The following MYB variants were observed in gnomAD, a reference collection of about 807,000 sequenced individuals.
MYB encodes the protein MYB proto-oncogene, transcription factor.
A neutral mutation model predicts 92.9 loss-of-function variants in MYB; 28 were observed. That is an observed-to-expected ratio of 0.30 (90% CI 0.22 to 0.41). The LOEUF (loss-of-function observed/expected upper bound fraction) is 0.41. Among genes scored for constraint, MYB ranks in the 10% least tolerant of loss-of-function variants. The pLI is 1.00. For synonymous variants in MYB, 295 were observed against 329.1 expected, an observed-to-expected ratio of 0.90 and a Z score of 1.12; for missense variants, 679 against 929.3, an observed-to-expected ratio of 0.73 and a Z score of 3.50.
intron 14 of MYB, chr6:135,202,739 C>G (rs56309265): frequency 9.4e-6 from 3 of 320,436 alleles, no homozygotes; most frequent in East Asian, 8.4e-5. Flanking sequence ...GTCATTTGCT[C>G]AAGATTGTAT....
intron 15 of MYB, among the ~76,000 whole-genome samples, chr6:135,206,752 T>G (rs1389030392): frequency 2.0e-5 from 3 of 152,114 alleles, no homozygotes; most frequent in Non-Finnish European, 2.9e-5. Context: ...TTTTAAGAAA[T>G]ACTTAGTGAA....
chr6:135,202,089 T>A, intron 14 of MYB, among the ~76,000 whole-genome samples: 2 of 152,328 alleles, frequency 1.3e-5, no homozygotes, highest in Middle Eastern at 3.4e-3. Context: ...TCTTGTTAAG[T>A]TGTCTCTTGT....
At chr6:135,197,362 A>G (rs1388438945) in intron 10 of MYB, 39 bp downstream of exon 10, 4 of 1,473,318 alleles carry the variant, frequency 2.7e-6, no homozygotes, top group Non-Finnish European at 3.7e-6. Context: ...CTCATTTTCA[A>G]CAGACACCTG....
intron 7 of MYB, 135 bp downstream of exon 7, chr6:135,194,053 G>A: frequency 2.9e-6 from 2 of 693,272 alleles, no homozygotes; most frequent in South Asian, 1.8e-5. Context: ...CAGAGTCTTG[G>A]CCAGCAATCT....
At chr6:135,195,155 C>G in intron 8 of MYB, 1 of 1,117,138 alleles carries the variant, frequency 9.0e-7, no homozygotes, top group Non-Finnish European at 1.2e-6. Flanking sequence ...AGTTCGACCA[C>G]TTTTTAACTT....
chr6:135,188,514 G>GT lies in MYB; in HGVS notation c.213+615dup, dbSNP rs1233064841. ...TTTCTTTTTTTTTTTTTTGTTTTTTGTTTTTTGTTTTTTGAGATGGAATCT... is the reference window on the plus strand; with the variant it reads ...TTTCTTTTTTTTTTTTTTGTTTTTTGTTTTTTTGTTTTTTGAGATGGAATCT... On this transcript the variant is annotated intron_variant, in intron 3 of 15. Transcript: ENST00000341911. 2.9e-3 allele frequency among the ~76,000 whole-genome samples: 352 copies of GT among 120,938 alleles called. 6 individuals are homozygous for GT. The highest frequency in any genetic ancestry group is 3.0e-3 in the Admixed American group (35 of 11,794). The allele number at this position is 120,938 out of a possible 152,430, so 79.3% of individuals were successfully genotyped here. A position where few individuals can be genotyped will look rare whatever the true frequency, so the allele number is the denominator to read the frequency against.
At chr6:135,210,493 C>T (rs1169827571) in intron 15 of MYB, among the ~76,000 whole-genome samples, 2 of 152,240 alleles carry the variant, frequency 1.3e-5, no homozygotes, top group Non-Finnish European at 2.9e-5. Context: ...ATACTCCCCT[C>T]AGCTTTCGGT....
intron 1 of MYB, among the ~76,000 whole-genome samples, chr6:135,183,930 A>G (rs1246676314): frequency 3.3e-5 from 5 of 152,200 alleles, no homozygotes; most frequent in Non-Finnish European, 5.9e-5. Flanking sequence ...AGAGAGAGGA[A>G]GTGATTTGTC....
chr6:135,218,347 G>T lies in MYB; in HGVS notation c.*367G>T. 1 of 259,624 alleles carries T rather than the reference G, an allele frequency of 3.9e-6. No individual in the cohort carries two copies. Among genetic ancestry groups the T allele is most frequent in the Non-Finnish European group, 7.4e-6 (1 of 134,914 alleles). 16.1% of individuals were successfully genotyped at this position (259,624 alleles called of 1,614,324 possible). A position where few individuals can be genotyped will look rare whatever the true frequency, so the allele number is the denominator to read the frequency against. On this transcript the variant is annotated 3_prime_UTR_variant, in exon 16 of 16. Transcript: ENST00000341911. ...TTTTTGAAATTTGACACATTAAAAG[G>T]TACTCCAGTATTTCACTTTTCTCGA...
intron 8 of MYB, 199 bp from the exon 9 acceptor site, chr6:135,195,549 C>T (rs1777183471): frequency 6.6e-6 from 4 of 604,708 alleles, no homozygotes. Context: ...GGTACAACCT[C>T]TAGCACTATT....
chr6:135,195,808 A>G lies in MYB; in HGVS notation c.1009A>G (p.Arg337Gly), dbSNP rs772410551. Residue 337 changes from arginine (R) to glycine (G), a missense_variant, in exon 9 of 16, where the codon AGA becomes GGA. By Grantham distance (125) the Arg-to-Gly change is moderately radical (BLOSUM62 -2). Coordinates refer to ENST00000341911, the MANE Select transcript of MYB (RefSeq NM_001130173.2). ...WHSTTIADHT[R>G]PHGDSAPVSC... ...CAGCACCACCATTGCCGACCACACCAGACCTCATGGAGACAGTGCACCTGT... is the reference window on the plus strand; with the variant it reads ...CAGCACCACCATTGCCGACCACACCGGACCTCATGGAGACAGTGCACCTGT... 5.6e-6 allele frequency: 9 copies of G among 1,614,038 alleles called. No individual in the cohort carries two copies. The African/African-American group carries it at 1.1e-4, about 19-fold the overall frequency.
intron 15 of MYB, among the ~76,000 whole-genome samples, chr6:135,204,259 G>A (rs1486747568): frequency 6.6e-6 from 1 of 152,164 alleles, no homozygotes; most frequent in African/African-American, 2.4e-5. Context: ...AACTTGCCCG[G>A]TAAGTATTTG....
intron 9 of MYB, 122 bp from the exon 10 acceptor site, chr6:135,196,839 C>T: frequency 6.3e-7 from 1 of 1,586,802 alleles, no homozygotes; most frequent in Non-Finnish European, 8.5e-7. Flanking sequence ...GAAGCTGTTG[C>T]TCAAGAAGCC....
Position 135,193,906 on chromosome 6 carries a change from C to T in MYB, c.831C>T (p.Ala277=), listed in dbSNP as rs748246856. The part of the protein sequence containing the change: ...VNIVNVPQPA[A]AAIQRHYNDE... ...TAGTCAATGTCCCTCAGCCAGCTGCCGCAGCCATTCAGGTAAGATCATTGA... is the reference window on the plus strand; with the variant it reads ...TAGTCAATGTCCCTCAGCCAGCTGCTGCAGCCATTCAGGTAAGATCATTGA... The change falls in exon 7 of 16, where the codon GCC becomes GCT. Residue 277 remains alanine, a synonymous_variant. Coordinates refer to ENST00000341911, the MANE Select transcript of MYB (RefSeq NM_001130173.2). The T allele has an allele frequency of 1.3e-5, 21 of 1,607,914 alleles. No homozygotes were observed. Among genetic ancestry groups the T allele is most frequent in the South Asian group, 7.7e-5 (7 of 90,956 alleles).
intron 2 of MYB, among the ~76,000 whole-genome samples, chr6:135,186,389 A>C (rs2128284611): frequency 6.6e-6 from 1 of 152,318 alleles, no homozygotes; most frequent in South Asian, 2.1e-4. Context: ...CTGTGATCCC[A>C]TGCATGGGTG....
chr6:135,195,247 C>A, intron 8 of MYB: 1 of 428,310 alleles, frequency 2.3e-6, no homozygotes, highest in Non-Finnish European at 3.8e-6. Flanking sequence ...GCTTTCCTAA[C>A]CACGTTGATT....
chr6:135,210,762 G>A, intron 15 of MYB, among the ~76,000 whole-genome samples: 1 of 152,196 alleles, frequency 6.6e-6, no homozygotes, highest in Non-Finnish European at 1.5e-5. Flanking sequence ...ACAGGTTACT[G>A]TGAAGATCAA....
At chr6:135,212,572 C>T (rs1562399099) in intron 15 of MYB, among the ~76,000 whole-genome samples, 1 of 152,116 alleles carries the variant, frequency 6.6e-6, no homozygotes, top group Admixed American at 6.5e-5. Flanking sequence ...TTATAGTTCA[C>T]TTCTGCCCAG....
At chr6:135,215,915 A>G (rs1049005508) in intron 15 of MYB, among the ~76,000 whole-genome samples, 18 of 152,170 alleles carry the variant, frequency 1.2e-4, no homozygotes, top group Non-Finnish European at 5.9e-5. Flanking sequence ...TGTCTCATAA[A>G]GGACACTGTA....
Sources: allele counts gnomAD v4.1 joint callset (sites outside exome capture counted in the v4.1 genomes callset), GRCh38; gene constraint gnomAD v4.1.1; transcripts MANE v1.5; gene names NCBI Gene and HGNC (gene_info 2026-07-23, HGNC 2026-07-21).